The following GNAS variants were observed in gnomAD, a reference collection of about 807,000 sequenced individuals.
GNAS encodes GNAS complex locus.
Under a neutral mutation model 54.5 loss-of-function variants are expected in GNAS, and 8 were observed. The observed-to-expected ratio is 0.15, with a 90% confidence interval of 0.09 to 0.26. The LOEUF is 0.26. GNAS is among the 10% of genes least tolerant of loss of function. GNAS has a pLI of 1.00. For synonymous variants in GNAS, 204 were observed against 191.4 expected, an observed-to-expected ratio of 1.07 and a Z score of -0.54; for missense variants, 170 against 529.8, an observed-to-expected ratio of 0.32 and a Z score of 6.67.
chr20:58,846,459 A>G (rs75789261), intron 1 of GNAS, among the ~76,000 whole-genome samples: 2,784 of 152,354 alleles, frequency 0.018, 80 homozygotes, highest in African/African-American at 0.064. Context: ...TGGTCCAAAA[A>G]TTCCAATTTC....
At position 58,841,236 on chromosome 20, in the gene GNAS, T is replaced by C. The variant is rs2085709827; in HGVS notation, c.43+350T>C. ...AAACGGCATTGGTAAGTCACTTGTTTTGCGCGCTTTTCTTCCTCCTAGAAA... is the reference window on the plus strand; with the variant it reads ...AAACGGCATTGGTAAGTCACTTGTTCTGCGCGCTTTTCTTCCTCCTAGAAA... On this transcript the variant is annotated intron_variant, in intron 1 of 12. Transcript: ENST00000306090. The surrounding 1 kb of genome is among the most constrained non-coding windows in gnomAD (Gnocchi z 5.0). 3 of 852,446 alleles carry C rather than the reference T, an allele frequency of 3.5e-6. No homozygotes were observed. The highest frequency in any genetic ancestry group is 2.7e-5 in the South Asian group (1 of 36,648). 52.8% of individuals were successfully genotyped at this position (852,446 alleles called of 1,614,324 possible). A position where few individuals can be genotyped will look rare whatever the true frequency, so the allele number is the denominator to read the frequency against.
chr20:58,860,985 C>A (rs6092701), intron 1 of GNAS, among the ~76,000 whole-genome samples: 63,294 of 152,068 alleles, frequency 0.42, 16,138 homozygotes, highest in African/African-American at 0.72. Flanking sequence ...TTAAGCAAAA[C>A]ATAAATTTAT....
intron 1 of GNAS, among the ~76,000 whole-genome samples, chr20:58,852,195 A>G (rs1321719113): frequency 6.6e-6 from 1 of 151,842 alleles, no homozygotes; most frequent in Non-Finnish European, 1.5e-5. Context: ...CACCATCCAC[A>G]TAAACAAGAG....
At chr20:58,891,080 G>A (rs1294320266), upstream of GNAS, among the ~76,000 whole-genome samples, 1 of 149,538 alleles carries the variant, frequency 6.7e-6, no homozygotes, top group Non-Finnish European at 1.5e-5. Context: ...CTGGCGCGGA[G>A]ACGCCCCCTC....
upstream of GNAS, chr20:58,840,744 A>G: frequency 6.2e-7 from 1 of 1,605,836 alleles, no homozygotes; most frequent in Non-Finnish European, 8.5e-7. This position sits in a 1 kb window ranked among gnomAD's most constrained non-coding sequence, Gnocchi z 6.0. Context: ...CCCAAGGAGG[A>G]GAAGCAGCGG....
At chr20:58,858,209 C>T (rs2086596243) in intron 1 of GNAS, among the ~76,000 whole-genome samples, 1 of 152,160 alleles carries the variant, frequency 6.6e-6, no homozygotes, top group South Asian at 2.1e-4. Context: ...TACATCCCTA[C>T]CACTGAAAAT....
At chr20:58,872,726 AT>A (rs2087550112) in intron 1 of GNAS, among the ~76,000 whole-genome samples, 1 of 151,584 alleles carries the variant, frequency 6.6e-6, no homozygotes, top group South Asian at 2.1e-4. Context: ...GACAAGGTTG[AT>A]TGCTCTGTGC....
At chr20:58,898,886 GTGT>G (rs2090335515) in intron 2 of GNAS, 52 bp from the exon 3 acceptor site, 1 of 1,435,440 alleles carries the variant, frequency 7.0e-7, no homozygotes. Context: ...TGTGGGGTTT[GTGT>G]GACACTGCGG....
In GNAS at chr20:58,857,263, G is replaced by T. The variant is rs145885973; in HGVS notation, c.43+16377G>T. On this transcript the variant is annotated intron_variant, in intron 1 of 12. Transcript: ENST00000306090. The surrounding 1 kb of genome is among the most constrained non-coding windows in gnomAD (Gnocchi z 4.1). ...ATTTTAAATGTGAGGATCATTTTGT[G>T]TATGCCCATCCAGGTAGATCATGAC... The T allele has an allele frequency of 1.6e-3, 246 of 152,274 alleles. No individual in the cohort carries two copies. The highest frequency in any genetic ancestry group is 5.6e-3 in the African/African-American group (232 of 41,564). 9.4% of individuals were successfully genotyped at this position (152,274 alleles called of 1,614,324 possible).
chr20:58,891,426 C>T lies in GNAS; in HGVS notation c.-301C>T. The T allele has an allele frequency of 2.4e-6, 1 of 412,860 alleles. No homozygotes were observed. Among genetic ancestry groups the T allele is most frequent in the Non-Finnish European group, 3.2e-6 (1 of 308,770 alleles). The allele number at this position is 412,860 out of a possible 1,614,324, so 25.6% of individuals were successfully genotyped here. On this transcript the variant is annotated 5_prime_UTR_variant, in exon 1 of 13. Transcript: ENST00000371085. ...GCGGCGGCGGCAGCGGCGGCAGCAG[C>T]TCCCGCAGCTCCTGCTCTGGTCCGC...
intron 1 of GNAS, among the ~76,000 whole-genome samples, chr20:58,871,601 T>C (rs1600814196): frequency 9.8e-6 from 1 of 102,352 alleles, no homozygotes; most frequent in African/African-American, 4.0e-5. Flanking sequence ...GCAACAAGAA[T>C]GATACTCCGT....
At chr20:58,842,715 A>C (rs1050801252) in intron 1 of GNAS, among the ~76,000 whole-genome samples, 1 of 152,150 alleles carries the variant, frequency 6.6e-6, no homozygotes, top group Non-Finnish European at 1.5e-5. Context: ...GCTTTCTGTG[A>C]CATTAAGTGT....
rs1194087330 is a variant in GNAS, at chr20:58,853,369, G to T, written c.43+12483G>T. The T allele has an allele frequency of 7.7e-6, 12 of 1,554,704 alleles. No individual in the cohort carries two copies. On this transcript the variant is annotated intron_variant, in intron 1 of 12. Transcript: ENST00000306090. This position sits in a 1 kb window ranked among gnomAD's most constrained non-coding sequence, Gnocchi z 4.4. ...GAGCAACCACCTTTGGAGGCCCCAG[G>T]GGCAGCTGCCCCCGGTGCTGGGCCT...
chr20:58,867,243 G>T (rs2145676062), intron 1 of GNAS, among the ~76,000 whole-genome samples: 1 of 152,318 alleles, frequency 6.6e-6, no homozygotes. Flanking sequence ...ATTTTTAAAA[G>T]TTGGATTGCC....
rs2146272108 is a variant in GNAS at position 58,909,403 on chromosome 20, G to A, written c.639G>A (p.Gln213=). The change falls in exon 8 of 13, where the codon CAG becomes CAA. Residue 213 remains glutamine, a synonymous_variant. Coordinates refer to ENST00000371085, the MANE Select transcript of GNAS (RefSeq NM_000516.7). The surrounding 1 kb of genome is among the most constrained non-coding windows in gnomAD (Gnocchi z 7.3). The part of the protein sequence containing the change: ...LTSGIFETKF[Q]VDKVNFHMFD... ...CTGGAATCTTTGAGACCAAGTTCCA[G>A]GTGGACAAAGTCAACTTCCAGTAAG... 6.2e-7 allele frequency: 1 copy of A among 1,613,946 alleles called. No individual in the cohort carries two copies. Among genetic ancestry groups the A allele is most frequent in the Non-Finnish European group, 8.5e-7 (1 of 1,179,830 alleles).
Position 58,853,407 on chromosome 20 carries a change from G to A in GNAS, c.43+12521G>A. The A allele has an allele frequency of 6.3e-7, 1 of 1,581,146 alleles. No homozygotes were observed. The highest frequency in any genetic ancestry group is 8.6e-7 in the Non-Finnish European group (1 of 1,164,224). ...CGGTGCTGGGCCTAGCCCAGCCGAA[G>A]AGATGGAGACCGAACCGCCTCACAA... On this transcript the variant is annotated intron_variant, in intron 1 of 12. Coordinates refer to the GNAS transcript ENST00000306090. The surrounding 1 kb of genome is among the most constrained non-coding windows in gnomAD (Gnocchi z 4.4).
intron 3 of GNAS, among the ~76,000 whole-genome samples, chr20:58,900,665 A>T (rs1314134405): frequency 1.3e-5 from 2 of 152,246 alleles, no homozygotes; most frequent in Admixed American, 1.3e-4. Flanking sequence ...ATTCTAGCTA[A>T]TGGCATATGT....
intron 1 of GNAS, among the ~76,000 whole-genome samples, chr20:58,875,064 A>AT: frequency 6.6e-6 from 1 of 152,140 alleles, no homozygotes; most frequent in Non-Finnish European, 1.5e-5. Context: ...ATTGCTAGCT[A>AT]TTTTTTATGT....
intron 1 of GNAS, among the ~76,000 whole-genome samples, chr20:58,868,017 T>C (rs2087161405): frequency 7.1e-6 from 1 of 139,890 alleles, no homozygotes; most frequent in Admixed American, 6.9e-5. Context: ...CCTGTTTCTT[T>C]CTTTCTTTTT....
Sources: gnomAD v4.1 joint callset for allele counts (sites outside exome capture counted in the v4.1 genomes callset) on GRCh38, gnomAD v4.1.1 for gene constraint, Gnocchi (gnomAD v3.1) non-coding constraint, MANE v1.5 for transcripts, NCBI Gene and HGNC (gene_info 2026-07-23, HGNC 2026-07-21) for gene names.